Variants in RAPGEF1 observed in about 807,000 individuals in gnomAD.
The protein encoded by RAPGEF1 is CRK SH3-binding GNRP.
A neutral mutation model predicts 143.3 loss-of-function variants in RAPGEF1; 33 were observed. That is an observed-to-expected ratio of 0.23 (90% confidence interval 0.17 to 0.31). The LOEUF is 0.31. Among genes scored for constraint, RAPGEF1 ranks in the 10% least tolerant of loss-of-function variants. The probability of loss-of-function intolerance (pLI) is 1.00; values close to 1 mark genes in which losing one functional copy is unlikely to be tolerated. For missense variants in RAPGEF1, 1,199 were observed against 1,645.4 expected (o/e 0.73, Z 4.69); for synonymous variants, 629 against 676.5 (o/e 0.93, Z 1.09).
chr9:131,697,338 C>T (rs1281574951), intron 1 of RAPGEF1, among the ~76,000 whole-genome samples: 1 of 152,244 alleles, frequency 6.6e-6, no homozygotes, highest in East Asian at 1.9e-4. Flanking sequence ...GCTCTGCTCC[C>T]TCTATCCAAA....
At chr9:131,676,989 GT>G (rs1169890583) in intron 1 of RAPGEF1, among the ~76,000 whole-genome samples, 1 of 152,252 alleles carries the variant, frequency 6.6e-6, no homozygotes, top group Non-Finnish European at 1.5e-5. Flanking sequence ...TACACAGTAA[GT>G]TGGAAGACCA....
At chr9:131,594,032 C>A (rs562010495) in intron 17 of RAPGEF1, among the ~76,000 whole-genome samples, 2 of 152,340 alleles carry the variant, frequency 1.3e-5, no homozygotes, top group South Asian at 4.1e-4. Flanking sequence ...AGTCCTGTTA[C>A]CCTACCGAGA....
intron 1 of RAPGEF1, among the ~76,000 whole-genome samples, chr9:131,702,536 G>A (rs1399434684): frequency 6.6e-6 from 1 of 152,208 alleles, no homozygotes; most frequent in Non-Finnish European, 1.5e-5. Flanking sequence ...TGTAGTTTAA[G>A]TTTTACAAGA....
chr9:131,710,212 A>T (rs1835411954), intron 1 of RAPGEF1, among the ~76,000 whole-genome samples: 1 of 152,164 alleles, frequency 6.6e-6, no homozygotes, highest in Admixed American at 6.5e-5. Flanking sequence ...CCACGTAACA[A>T]GTACTGTCAG....
chr9:131,602,029 G>A (rs1232246236), intron 15 of RAPGEF1, 32 bp downstream of exon 15: 1 of 1,544,492 alleles, frequency 6.5e-7, no homozygotes, highest in Non-Finnish European at 8.8e-7. Context: ...ACTGCTCTCG[G>A]GGGACCCAGC....
intron 1 of RAPGEF1, chr9:131,709,718 C>T: frequency 6.2e-7 from 1 of 1,613,582 alleles, no homozygotes; most frequent in Non-Finnish European, 8.5e-7. Context: ...CTTCCCAGCC[C>T]CAGCGTCTTT....
At chr9:131,582,731 A>C in intron 24 of RAPGEF1, 29 bp from the exon 25 acceptor site, 2 of 1,539,910 alleles carry the variant, frequency 1.3e-6, no homozygotes, top group South Asian at 2.5e-5. Flanking sequence ...ACAGGACCGG[A>C]CAGGGGTGAG....
At chr9:131,687,024 C>T (rs964539479) in intron 1 of RAPGEF1, among the ~76,000 whole-genome samples, 2 of 152,012 alleles carry the variant, frequency 1.3e-5, no homozygotes, top group African/African-American at 2.4e-5. Context: ...CAATAGGATC[C>T]GTTATGTTAA....
intron 12 of RAPGEF1, among the ~76,000 whole-genome samples, chr9:131,615,267 G>A (rs894870325): frequency 6.6e-6 from 1 of 152,174 alleles, no homozygotes; most frequent in East Asian, 1.9e-4. Flanking sequence ...GTAGAGCCGG[G>A]GTTTCACCGT....
rs1046304605 is a variant in RAPGEF1, at chr9:131,655,957, C to T, written c.62-5008G>A. Among the ~76,000 whole-genome samples the T allele has an allele frequency of 1.4e-4, 22 of 152,200 alleles. No individual in the cohort carries two copies. Among genetic ancestry groups the T allele is most frequent in the Admixed American group, 4.6e-4 (7 of 15,280 alleles). ...GCATTCAAATACTTAGATATCATCTCTCTAAATCTTTCCCTTATTTTGTCT... is the reference window on the plus strand; with the variant it reads ...GCATTCAAATACTTAGATATCATCTTTCTAAATCTTTCCCTTATTTTGTCT... On this transcript the variant is annotated intron_variant, in intron 1 of 26. Transcript: ENST00000683357. This position sits in a 1 kb window ranked among gnomAD's most constrained non-coding sequence, Gnocchi z 4.1.
chr9:131,601,987 AG>A, intron 15 of RAPGEF1, 73 bp downstream of exon 15: 1 of 1,003,904 alleles, frequency 1.0e-6, no homozygotes, highest in Non-Finnish European at 1.4e-6. Context: ...TAGCTGGGAG[AG>A]GCTGCTCAGG....
At chr9:131,701,823 T>C (rs1834673738) in intron 1 of RAPGEF1, among the ~76,000 whole-genome samples, 1 of 152,250 alleles carries the variant, frequency 6.6e-6, no homozygotes, top group Admixed American at 6.5e-5. Context: ...ATTTCTTCAT[T>C]GGCAAAATTA....
At chr9:131,735,002 C>T (rs1235498515) in intron 1 of RAPGEF1, among the ~76,000 whole-genome samples, 2 of 152,214 alleles carry the variant, frequency 1.3e-5, no homozygotes, top group South Asian at 2.1e-4. Context: ...ATGAAACTCC[C>T]AGCCAGCCTG....
chr9:131,734,341 T>C lies in RAPGEF1; in HGVS notation c.61+5429A>G, dbSNP rs1247463611. 2.0e-5 allele frequency among the ~76,000 whole-genome samples: 3 copies of C among 152,132 alleles called. No homozygotes were observed. The East Asian group carries it at 5.8e-4, about 29-fold the overall frequency. ...GCCCTGCCCTCACCCCCTGGGCTGT[T>C]GTGAGGATGAAATGAAATGAGGTAG... On this transcript the variant is annotated intron_variant, in intron 1 of 26. Transcript: ENST00000683357.
chr9:131,668,477 T>C (rs1303240515), intron 1 of RAPGEF1, among the ~76,000 whole-genome samples: 1 of 152,204 alleles, frequency 6.6e-6, no homozygotes, highest in Non-Finnish European at 1.5e-5. Flanking sequence ...GGAGGTATTC[T>C]TATTACCACT....
chr9:131,644,970 C>T (rs1293192139), intron 3 of RAPGEF1, among the ~76,000 whole-genome samples: 3 of 152,206 alleles, frequency 2.0e-5, no homozygotes, highest in African/African-American at 4.8e-5. Flanking sequence ...GTCTTTCCCA[C>T]AAGGTGTCCT....
rs1588625490 is a variant in RAPGEF1, at chr9:131,633,346, A to G, written c.652-3022T>C. Among the ~76,000 whole-genome samples, 3 of 152,302 alleles carry G rather than the reference A, an allele frequency of 2.0e-5. No homozygotes were observed. The South Asian group carries it at 6.2e-4, about 32-fold the overall frequency. On this transcript the variant is annotated intron_variant, in intron 5 of 26. Coordinates refer to ENST00000683357, the MANE Select transcript of RAPGEF1 (RefSeq NM_001377935.1). ...CAGCTCTTCCTAAAAGCACAACGCCAGGCCCCAAAGAGGAGCATCACGGCC... is the reference window on the plus strand; with the variant it reads ...CAGCTCTTCCTAAAAGCACAACGCCGGGCCCCAAAGAGGAGCATCACGGCC...
chr9:131,719,103 G>A (rs2131266863), intron 1 of RAPGEF1, among the ~76,000 whole-genome samples: 1 of 152,260 alleles, frequency 6.6e-6, no homozygotes, highest in African/African-American at 2.4e-5. Context: ...AGAGTAGCTG[G>A]AACTACAGGC....
At chr9:131,631,835 G>A (rs1230175546) in intron 5 of RAPGEF1, among the ~76,000 whole-genome samples, 2 of 152,168 alleles carry the variant, frequency 1.3e-5, no homozygotes, top group Admixed American at 6.5e-5. Flanking sequence ...GATACCAATG[G>A]TCAATAATCA....
Sources: allele counts gnomAD v4.1 joint callset (sites outside exome capture counted in the v4.1 genomes callset), GRCh38; gene constraint gnomAD v4.1.1; non-coding constraint Gnocchi (gnomAD v3.1); transcripts MANE v1.5; gene names NCBI Gene and HGNC (gene_info 2026-07-23, HGNC 2026-07-21).